GRID2: variants seen among roughly 807,000 people sequenced by gnomAD.
GRID2 encodes the protein glutamate ionotropic receptor delta type subunit 2.
A neutral mutation model predicts 114.8 loss-of-function variants in GRID2; 33 were observed. That is an observed-to-expected ratio of 0.29 (90% confidence interval 0.22 to 0.38). The LOEUF is 0.38. Among genes scored for constraint, GRID2 ranks in the 10% least tolerant of loss-of-function variants. GRID2 has a pLI of 1.00. For synonymous variants in GRID2, 505 were observed against 449.9 expected (o/e 1.12, Z -1.55); for missense variants, 1,184 against 1,257.7 (o/e 0.94, Z 0.89).
intron 14 of GRID2, among the ~76,000 whole-genome samples, chr4:93,760,780 G>A (rs1195410749): frequency 5.3e-5 from 8 of 152,182 alleles, no homozygotes; most frequent in African/African-American, 1.7e-4. Context: ...TTCTGCCTCA[G>A]TTCATTGTCT....
chr4:93,136,036 A>T (rs1735212526), intron 4 of GRID2, among the ~76,000 whole-genome samples: 1 of 152,168 alleles, frequency 6.6e-6, no homozygotes, highest in Non-Finnish European at 1.5e-5. Flanking sequence ...TTACAGGTTC[A>T]TTTAAACATC....
intron 13 of GRID2, among the ~76,000 whole-genome samples, chr4:93,587,641 T>A (rs1434476579): frequency 6.6e-6 from 1 of 152,172 alleles, no homozygotes; most frequent in Non-Finnish European, 1.5e-5. Flanking sequence ...CAATATTTCT[T>A]GTACTTTCTC....
At chr4:93,006,569 A>T (rs904281491) in intron 2 of GRID2, among the ~76,000 whole-genome samples, 2 of 151,306 alleles carry the variant, frequency 1.3e-5, no homozygotes, top group Non-Finnish European at 2.9e-5. Context: ...TAAAAGAATG[A>T]AAAGGTTAAA....
intron 10 of GRID2, among the ~76,000 whole-genome samples, chr4:93,453,931 C>T (rs771803135): frequency 6.6e-6 from 1 of 151,832 alleles, no homozygotes; most frequent in Admixed American, 6.6e-5. Flanking sequence ...AGTCAGCTCA[C>T]AATAATGAAA....
Position 93,213,482 on chromosome 4 carries a change from C to A in GRID2, c.790-3256C>A, listed in dbSNP as rs114212981. ...ATAAGTCTTTAGAAGATGATAAAAT[C>A]TTACCATTCATTCATTAAATAAATT... On this transcript the variant is annotated intron_variant, in intron 5 of 15. Transcript: ENST00000282020. Among the ~76,000 whole-genome samples, 1,331 of 152,198 alleles carry A rather than the reference C, an allele frequency of 8.7e-3. 18 individuals carry two copies. The highest frequency in any genetic ancestry group is 0.031 in the African/African-American group (1,267 of 41,540).
rs533403129 is a variant in GRID2, at chr4:92,879,507, C to T, written c.245-205488C>T. Among the ~76,000 whole-genome samples the T allele has an allele frequency of 2.0e-5, 3 of 152,314 alleles. No homozygotes were observed. In the South Asian group the frequency reaches 6.2e-4, roughly 32 times the overall value. ...CAGTGTATACCCATACAGCTGACTT[C>T]AGAGAATTTCAAAGCACCTTTGTTC... is the stretch of plus-strand genomic sequence containing the variant. On this transcript the variant is annotated intron_variant, in intron 2 of 15. Transcript: ENST00000282020.
intron 2 of GRID2, among the ~76,000 whole-genome samples, chr4:93,067,603 G>A (rs187518788): frequency 2.4e-4 from 37 of 151,882 alleles, no homozygotes; most frequent in Non-Finnish European, 4.3e-4. Context: ...AATTTGGGGG[G>A]AACACATACA....
intron 14 of GRID2, among the ~76,000 whole-genome samples, chr4:93,646,518 G>A (rs1394582245): frequency 6.6e-6 from 1 of 152,126 alleles, no homozygotes; most frequent in Admixed American, 6.6e-5. Context: ...GAAAAACATA[G>A]TAAAGACTTA....
chr4:93,267,978 C>T (rs777095755), intron 8 of GRID2, among the ~76,000 whole-genome samples: 3 of 152,180 alleles, frequency 2.0e-5, no homozygotes, highest in African/African-American at 7.2e-5. Flanking sequence ...CGCTCCCCTG[C>T]GGCCTGGATT....
intron 4 of GRID2, among the ~76,000 whole-genome samples, chr4:93,143,980 T>C (rs1230527228): frequency 2.0e-5 from 3 of 152,310 alleles, no homozygotes; most frequent in African/African-American, 7.2e-5. Context: ...AATGTAATTA[T>C]GAACAACTAA....
chr4:92,313,069 A>T (rs1725785890), intron 1 of GRID2, among the ~76,000 whole-genome samples: 1 of 144,414 alleles, frequency 6.9e-6, no homozygotes, highest in Admixed American at 7.2e-5. Context: ...GAGTGGATAA[A>T]GAAACTCTGA....
At chr4:93,165,405 A>G (rs1401868695) in intron 4 of GRID2, among the ~76,000 whole-genome samples, 2 of 152,066 alleles carry the variant, frequency 1.3e-5, no homozygotes, top group East Asian at 1.9e-4. Flanking sequence ...GAATAAATGA[A>G]TCTAAGACAG....
At chr4:93,387,749 G>T (rs1764462292) in intron 8 of GRID2, among the ~76,000 whole-genome samples, 1 of 149,796 alleles carries the variant, frequency 6.7e-6, no homozygotes, top group Non-Finnish European at 1.5e-5. Context: ...AGAATCGCTT[G>T]AACCTGGGAG....
intron 2 of GRID2, among the ~76,000 whole-genome samples, chr4:92,868,780 G>C (rs1210261254): frequency 6.6e-6 from 1 of 151,810 alleles, no homozygotes; most frequent in Non-Finnish European, 1.5e-5. Context: ...TTAATTTCAT[G>C]AACTAACTTC....
intron 14 of GRID2, among the ~76,000 whole-genome samples, chr4:93,678,601 A>G (rs377057432): frequency 1.8e-4 from 28 of 152,292 alleles, no homozygotes; most frequent in Admixed American, 2.6e-4. Context: ...CTACAAGCCA[A>G]AAGAGAGTGG....
chr4:93,181,724 C>A (rs1313261685), intron 4 of GRID2, among the ~76,000 whole-genome samples: 1 of 152,150 alleles, frequency 6.6e-6, no homozygotes, highest in Non-Finnish European at 1.5e-5. Context: ...TACTAGCTTC[C>A]AACTTACCTT....
At chr4:92,717,563 T>C (rs1399732316) in intron 2 of GRID2, among the ~76,000 whole-genome samples, 1 of 152,202 alleles carries the variant, frequency 6.6e-6, no homozygotes, top group Admixed American at 6.6e-5. Flanking sequence ...TTAATATATG[T>C]TAAAGTAAAC....
At chr4:92,819,468 G>A (rs1741126919) in intron 2 of GRID2, among the ~76,000 whole-genome samples, 1 of 152,066 alleles carries the variant, frequency 6.6e-6, no homozygotes. Flanking sequence ...CACATGGGCA[G>A]GATAAAACCC....
At chr4:92,929,843 A>G (rs1578505575) in intron 2 of GRID2, among the ~76,000 whole-genome samples, 1 of 151,338 alleles carries the variant, frequency 6.6e-6, no homozygotes, top group African/African-American at 2.4e-5. Flanking sequence ...TTAGTTTTTA[A>G]AAAAGGTTAA....
Sources: gnomAD v4.1 joint callset for allele counts (sites outside exome capture counted in the v4.1 genomes callset) on GRCh38, gnomAD v4.1.1 for gene constraint, MANE v1.5 for transcripts, NCBI Gene and HGNC (gene_info 2026-07-23, HGNC 2026-07-21) for gene names.